Variants in MED13L observed in about 807,000 individuals in gnomAD.
The protein encoded by MED13L is mediator of RNA polymerase II transcription subunit 13-like.
Under a neutral mutation model 220.9 loss-of-function variants are expected in MED13L, and 7 were observed. That is an observed-to-expected ratio of 0.03 (90% CI 0.02 to 0.06). The LOEUF is 0.06. MED13L is among the 10% of genes least tolerant of loss of function. The pLI, the probability that MED13L is intolerant of heterozygous loss-of-function variation, is 1.00. For synonymous variants in MED13L, 1,011 were observed against 1,015.2 expected (o/e 1.00, Z 0.08); for missense variants, 1,965 against 2,760.5 (o/e 0.71, Z 6.46).
At chr12:116,160,634 G>A (rs1878785151) in intron 2 of MED13L, among the ~76,000 whole-genome samples, 1 of 151,868 alleles carries the variant, frequency 6.6e-6, no homozygotes, top group Non-Finnish European at 1.5e-5. Flanking sequence ...TGAGTGCAGT[G>A]GCATGATCAG....
intron 4 of MED13L, among the ~76,000 whole-genome samples, chr12:116,076,312 G>C (rs990652419): frequency 6.6e-6 from 1 of 152,132 alleles, no homozygotes; most frequent in Non-Finnish European, 1.5e-5. Flanking sequence ...TGATAACAGA[G>C]GACTGCTTGA....
At chr12:115,985,754 G>A (rs1310848912) in intron 19 of MED13L, among the ~76,000 whole-genome samples, 2 of 152,094 alleles carry the variant, frequency 1.3e-5, no homozygotes, top group African/African-American at 4.8e-5. Context: ...CAGTATCAAA[G>A]TTTCAGTATT....
At chr12:116,163,434 G>A (rs1050841577) in intron 2 of MED13L, among the ~76,000 whole-genome samples, 8 of 150,104 alleles carry the variant, frequency 5.3e-5, no homozygotes, top group Non-Finnish European at 1.2e-4. Context: ...GTGCGATCTC[G>A]GCTCACTGCA....
intron 2 of MED13L, among the ~76,000 whole-genome samples, chr12:116,130,539 G>A (rs1264866222): frequency 6.6e-6 from 1 of 152,148 alleles, no homozygotes; most frequent in Admixed American, 6.5e-5. Context: ...GGCCAAAAAG[G>A]ACTTTCTGGA....
intron 4 of MED13L, among the ~76,000 whole-genome samples, chr12:116,039,662 G>T (rs1306326185): frequency 2.6e-5 from 4 of 152,134 alleles, no homozygotes; most frequent in African/African-American, 9.7e-5. Context: ...CATTATGAAG[G>T]AGTTAAAAGG....
At chr12:115,989,185 T>C (rs183580486) in intron 17 of MED13L, among the ~76,000 whole-genome samples, 42 of 152,300 alleles carry the variant, frequency 2.8e-4, no homozygotes, top group African/African-American at 8.9e-4. Flanking sequence ...TGAGAGTTGT[T>C]CAGAAGCCGG....
chr12:116,140,675 A>G (rs1876990496), intron 2 of MED13L, among the ~76,000 whole-genome samples: 1 of 152,224 alleles, frequency 6.6e-6, no homozygotes. Context: ...AACTGGTTTG[A>G]AAACAAAACT....
intron 2 of MED13L, among the ~76,000 whole-genome samples, chr12:116,168,157 A>G (rs1161851603): frequency 6.6e-6 from 1 of 152,188 alleles, no homozygotes; most frequent in Non-Finnish European, 1.5e-5. Flanking sequence ...ACAAAGAGTC[A>G]CATGAATATA....
At chr12:116,058,703 G>A (rs953677162) in intron 4 of MED13L, among the ~76,000 whole-genome samples, 1 of 152,148 alleles carries the variant, frequency 6.6e-6, no homozygotes, top group African/African-American at 2.4e-5. Flanking sequence ...AGTCAATGGG[G>A]AAAGCTGAAT....
At chr12:116,082,499 G>A (rs1201762318) in intron 4 of MED13L, 5 of 152,200 alleles carry the variant, frequency 3.3e-5, no homozygotes, top group Admixed American at 6.5e-5. Flanking sequence ...GGCTGCCTCC[G>A]TTATTACCCA....
At chr12:116,100,025 C>G (rs1490953777) in intron 3 of MED13L, among the ~76,000 whole-genome samples, 1 of 152,102 alleles carries the variant, frequency 6.6e-6, no homozygotes, top group Non-Finnish European at 1.5e-5. Flanking sequence ...ATTTCCCACA[C>G]AATGAAAGGA....
rs143352229 is a variant in MED13L at position 116,196,783 on chromosome 12, T to C, written c.310+40685A>G. 2.6e-5 allele frequency among the ~76,000 whole-genome samples: 4 copies of C among 152,358 alleles called. No homozygotes were observed. The East Asian group carries it at 7.7e-4, about 29-fold the overall frequency. On this transcript the variant is annotated intron_variant, in intron 2 of 30. Transcript: ENST00000281928. Reference sequence around the variant, plus strand: ...GCTGTGTCTACATAGCTTAAGAATCTGATGGTTTTATCTAAACTAGTTAAG... The same window carrying C: ...GCTGTGTCTACATAGCTTAAGAATCCGATGGTTTTATCTAAACTAGTTAAG...
intron 3 of MED13L, among the ~76,000 whole-genome samples, chr12:116,108,362 C>T (rs993443362): frequency 3.0e-4 from 37 of 123,210 alleles, no homozygotes; most frequent in African/African-American, 1.2e-3. Flanking sequence ...TAGACTCTAA[C>T]ATTAACAATA....
chr12:116,040,051 C>T (rs181663559), intron 4 of MED13L, among the ~76,000 whole-genome samples: 10 of 152,148 alleles, frequency 6.6e-5, no homozygotes, highest in African/African-American at 2.4e-4. Context: ...AAAACAAATG[C>T]CACAACGTTT....
chr12:115,968,287 CTCTT>C (rs997427528), intron 28 of MED13L, among the ~76,000 whole-genome samples: 12 of 152,186 alleles, frequency 7.9e-5, no homozygotes, highest in African/African-American at 2.9e-4. Context: ...AACCCTCTAA[CTCTT>C]AAATCTTCTG....
At chr12:116,263,738 T>A (rs562640834) in intron 1 of MED13L, among the ~76,000 whole-genome samples, 1 of 152,226 alleles carries the variant, frequency 6.6e-6, no homozygotes, top group African/African-American at 2.4e-5. Flanking sequence ...GAGCCTCAAT[T>A]TGATGTCTGA....
intron 28 of MED13L, 70 bp downstream of exon 28, chr12:115,968,870 C>T (rs983140675): frequency 1.9e-6 from 3 of 1,569,484 alleles, no homozygotes; most frequent in Admixed American, 1.7e-5. Flanking sequence ...ACAAGATGAT[C>T]AGATGTCCAG....
chr12:116,147,551 G>A (rs1213377197), intron 2 of MED13L, among the ~76,000 whole-genome samples: 1 of 152,126 alleles, frequency 6.6e-6, no homozygotes, highest in Non-Finnish European at 1.5e-5. Context: ...AAACATGACT[G>A]CAGGCGACAG....
intron 4 of MED13L, among the ~76,000 whole-genome samples, chr12:116,049,918 G>A (rs1882051177): frequency 6.6e-6 from 1 of 152,106 alleles, no homozygotes. Flanking sequence ...TAAAATTTCA[G>A]ACTTATTTTA....
Sources: gnomAD v4.1 joint callset for allele counts (sites outside exome capture counted in the v4.1 genomes callset) on GRCh38, gnomAD v4.1.1 for gene constraint, MANE v1.5 for transcripts, NCBI Gene and HGNC (gene_info 2026-07-23, HGNC 2026-07-21) for gene names.